RFTN1: variants seen among roughly 807,000 people sequenced by gnomAD.
RFTN1 encodes the protein raftlin, lipid raft linker 1, also known as raftlin.
RFTN1 carries 26 observed loss-of-function variants against 46.5 expected under a neutral mutation model. That is an observed-to-expected ratio of 0.56 (90% CI 0.41 to 0.78). The LOEUF (loss-of-function observed/expected upper bound fraction) is 0.78, where lower values mean the gene tolerates loss of function less well. Among genes scored for constraint, RFTN1 ranks in the 30% least tolerant of loss-of-function variants. The pLI is 0.00. For missense variants in RFTN1, 693 were observed against 718.7 expected (o/e 0.96, Z 0.41); for synonymous variants, 261 against 284.2 (o/e 0.92, Z 0.82).
chr3:16,325,219 A>G (rs562862694), intron 8 of RFTN1, among the ~76,000 whole-genome samples: 1 of 152,350 alleles, frequency 6.6e-6, no homozygotes, highest in South Asian at 2.1e-4. Context: ...ACGGAATCCA[A>G]CTACCACTTT....
Position 16,344,844 on chromosome 3 carries a change from G to C in RFTN1, c.1146+13088C>G, listed in dbSNP as rs1454934361. Among the ~76,000 whole-genome samples the C allele has an allele frequency of 6.6e-6, 1 of 152,180 alleles. No individual in the cohort carries two copies. The highest frequency in any genetic ancestry group is 1.5e-5 in the Non-Finnish European group (1 of 68,030). ...TTCAAAGAACATATTTCAAGGAGTG[G>C]TAGTGAGTGAACACATAACTACAAG... On this transcript the variant is annotated intron_variant, in intron 7 of 9. Coordinates refer to ENST00000334133, the MANE Select transcript of RFTN1 (RefSeq NM_015150.2). The surrounding 1 kb of genome is among the most constrained non-coding windows in gnomAD (Gnocchi z 4.4).
intron 5 of RFTN1, among the ~76,000 whole-genome samples, chr3:16,373,044 T>G (rs1009314348): frequency 9.9e-5 from 15 of 152,234 alleles, no homozygotes; most frequent in African/African-American, 3.4e-4. Context: ...TTTAATATTC[T>G]GATTCTCCAA....
At chr3:16,401,118 C>A (rs548228662) in intron 4 of RFTN1, among the ~76,000 whole-genome samples, 3 of 152,256 alleles carry the variant, frequency 2.0e-5, no homozygotes, top group Admixed American at 6.5e-5. Flanking sequence ...TCAAGACCAA[C>A]CTGGTAAAAC....
chr3:16,339,997 G>A (rs1040690500), intron 7 of RFTN1: 1 of 152,220 alleles, frequency 6.6e-6, no homozygotes, highest in Non-Finnish European at 1.5e-5. Flanking sequence ...CCAGGATGCT[G>A]TGTTACCATT....
In RFTN1 at chr3:16,385,297, C is replaced by T. The variant is rs1403561480; in HGVS notation, c.442-7195G>A. Among the ~76,000 whole-genome samples, 1 of 152,218 alleles carries T rather than the reference C, an allele frequency of 6.6e-6. No homozygotes were observed. The highest frequency in any genetic ancestry group is 1.5e-5 in the Non-Finnish European group (1 of 68,038). The stretch of plus-strand genomic sequence containing the variant: ...CAAAAATAACACGGGTTTGAGCTCA[C>T]ATCTGAAGCCGCCTTTAGTTTTGAC... On this transcript the variant is annotated intron_variant, in intron 4 of 9. Transcript: ENST00000334133. This position sits in a 1 kb window ranked among gnomAD's most constrained non-coding sequence, Gnocchi z 5.0.
intron 1 of RFTN1, among the ~76,000 whole-genome samples, chr3:16,503,391 T>C (rs2076747118): frequency 6.6e-6 from 1 of 152,226 alleles, no homozygotes; most frequent in African/African-American, 2.4e-5. Context: ...GCAGTGGCTC[T>C]TAATCTTGAC....
chr3:16,469,044 C>T (rs1436498072), intron 2 of RFTN1, among the ~76,000 whole-genome samples: 1 of 152,246 alleles, frequency 6.6e-6, no homozygotes, highest in Non-Finnish European at 1.5e-5. Flanking sequence ...TGAGTTCCCG[C>T]CTATCCCACG....
At chr3:16,431,761 T>TGAG (rs2075393000) in intron 3 of RFTN1, among the ~76,000 whole-genome samples, 1 of 152,212 alleles carries the variant, frequency 6.6e-6, no homozygotes, top group Non-Finnish European at 1.5e-5. Flanking sequence ...TACTGACTAC[T>TGAG]GAGGGGTAAA....
At chr3:16,324,901 C>T (rs1202631110) in intron 8 of RFTN1, among the ~76,000 whole-genome samples, 1 of 152,058 alleles carries the variant, frequency 6.6e-6, no homozygotes, top group East Asian at 1.9e-4. Flanking sequence ...AACCTCTGTA[C>T]TATTTTCCAT....
chr3:16,318,144 C>A (rs1434248118), intron 9 of RFTN1, among the ~76,000 whole-genome samples: 1 of 152,042 alleles, frequency 6.6e-6, no homozygotes, highest in Non-Finnish European at 1.5e-5. Flanking sequence ...CTCATCAAAT[C>A]TCTGGAGCAA....
chr3:16,484,524 C>T lies in RFTN1; in HGVS notation c.145+9201G>A, dbSNP rs1356870231. On this transcript the variant is annotated intron_variant, in intron 2 of 9. Coordinates refer to ENST00000334133, the MANE Select transcript of RFTN1 (RefSeq NM_015150.2). The surrounding 1 kb of genome is among the most constrained non-coding windows in gnomAD (Gnocchi z 4.6). ...AAAGTCCTCTTAGACAGGAAAACCA[C>T]AAAGATGGGAATTTGTAAAATGCAG... 1 of 152,156 alleles carries T rather than the reference C, an allele frequency of 6.6e-6. No homozygotes were observed. The highest frequency in any genetic ancestry group is 1.5e-5 in the Non-Finnish European group (1 of 68,028). 9.4% of individuals were successfully genotyped at this position (152,156 alleles called of 1,614,324 possible). A position where few individuals can be genotyped will look rare whatever the true frequency, so the allele number is the denominator to read the frequency against.
At position 16,448,354 on chromosome 3, in the gene RFTN1, G is replaced by C. The variant is rs1469367551; in HGVS notation, c.146-14317C>G. On this transcript the variant is annotated intron_variant, in intron 2 of 9. Transcript: ENST00000334133. The surrounding 1 kb of genome is among the most constrained non-coding windows in gnomAD (Gnocchi z 4.1). ...TTTTAAACAGATGCATTTTCTTACA[G>C]TCCAAAAAAAAACATGATCCCTTGT... is the stretch of plus-strand genomic sequence containing the variant. 6.6e-6 allele frequency among the ~76,000 whole-genome samples: 1 copy of C among 151,622 alleles called. No homozygotes were observed. The highest frequency in any genetic ancestry group is 1.5e-5 in the Non-Finnish European group (1 of 67,918).
intron 7 of RFTN1, among the ~76,000 whole-genome samples, chr3:16,347,341 C>T (rs1393579170): frequency 1.3e-5 from 2 of 152,204 alleles, no homozygotes; most frequent in Admixed American, 1.3e-4. Flanking sequence ...TGGTGGATTA[C>T]AACAATAGAA....
chr3:16,399,548 G>A (rs2074553611), intron 4 of RFTN1, among the ~76,000 whole-genome samples: 3 of 152,166 alleles, frequency 2.0e-5, no homozygotes, highest in African/African-American at 7.2e-5. Context: ...CACTCAGCAA[G>A]TTTCACACTG....
chr3:16,511,498 A>T (rs2076901208), intron 1 of RFTN1, among the ~76,000 whole-genome samples: 1 of 152,122 alleles, frequency 6.6e-6, no homozygotes, highest in African/African-American at 2.4e-5. Flanking sequence ...CTAGGTGTGT[A>T]TATTTAGGGG....
chr3:16,405,925 C>T (rs911490493), intron 4 of RFTN1, among the ~76,000 whole-genome samples: 29 of 152,120 alleles, frequency 1.9e-4, no homozygotes, highest in Admixed American at 3.9e-4. Context: ...CAAGTTGAGG[C>T]GGCCAATGAC....
chr3:16,377,586 T>C, intron 5 of RFTN1, 132 bp downstream of exon 5: 1 of 1,398,590 alleles, frequency 7.2e-7, no homozygotes, highest in African/African-American at 1.4e-5. Context: ...TGATAAAGTT[T>C]CTCCTGTTTG....
rs1463574265 is a variant in RFTN1, at chr3:16,481,645, C to G, written c.145+12080G>C. Among the ~76,000 whole-genome samples, 1 of 152,192 alleles carries G rather than the reference C, an allele frequency of 6.6e-6. No homozygotes were observed. The highest frequency in any genetic ancestry group is 1.5e-5 in the Non-Finnish European group (1 of 68,034). On this transcript the variant is annotated intron_variant, in intron 2 of 9. Transcript: ENST00000334133. The surrounding 1 kb of genome is among the most constrained non-coding windows in gnomAD (Gnocchi z 5.1). ...AATAAATAGACACACACACACTCTC[C>G]ATAAAAACTCTGCTACACAATTTAT...
chr3:16,473,059 T>A lies in RFTN1; in HGVS notation c.145+20666A>T, dbSNP rs1053176739. Reference sequence around the variant, plus strand: ...AATCTGTTGGCTATAAATGAACTCATCGATAACACTCATTTCCCATTTAGA... The same window carrying A: ...AATCTGTTGGCTATAAATGAACTCAACGATAACACTCATTTCCCATTTAGA... On this transcript the variant is annotated intron_variant, in intron 2 of 9. Transcript: ENST00000334133. This position sits in a 1 kb window ranked among gnomAD's most constrained non-coding sequence, Gnocchi z 5.3. Among the ~76,000 whole-genome samples, 4 of 152,244 alleles carry A rather than the reference T, an allele frequency of 2.6e-5. No homozygotes were observed. The highest frequency in any genetic ancestry group is 9.6e-5 in the African/African-American group (4 of 41,462).
Sources: allele counts gnomAD v4.1 joint callset (sites outside exome capture counted in the v4.1 genomes callset), GRCh38; gene constraint gnomAD v4.1.1; non-coding constraint Gnocchi (gnomAD v3.1); transcripts MANE v1.5; gene names NCBI Gene and HGNC (gene_info 2026-07-23, HGNC 2026-07-21).